LDB2: variants seen among roughly 807,000 people sequenced by gnomAD.
LDB2 encodes the protein LIM domain binding 2.
A neutral mutation model predicts 44.3 loss-of-function variants in LDB2; 12 were observed. That is an observed-to-expected ratio of 0.27 (90% CI 0.17 to 0.44). The LOEUF (loss-of-function observed/expected upper bound fraction) is 0.44. LDB2 is among the 20% of genes least tolerant of loss of function. LDB2 has a pLI of 1.00. For synonymous variants in LDB2, 164 were observed against 174.8 expected, an observed-to-expected ratio of 0.94 and a Z score of 0.49; for missense variants, 344 against 473.5, an observed-to-expected ratio of 0.73 and a Z score of 2.54.
At chr4:16,756,786 C>T (rs947345440) in intron 2 of LDB2, among the ~76,000 whole-genome samples, 36 of 151,810 alleles carry the variant, frequency 2.4e-4, no homozygotes, top group Non-Finnish European at 2.5e-4. Context: ...AATAAGCAGA[C>T]GCCTATTACA....
At chr4:16,876,349 C>T (rs960839758) in intron 1 of LDB2, among the ~76,000 whole-genome samples, 1 of 152,150 alleles carries the variant, frequency 6.6e-6, no homozygotes, top group Non-Finnish European at 1.5e-5. Context: ...ATTTTCCTAC[C>T]TCACTTTCCC....
intron 2 of LDB2, among the ~76,000 whole-genome samples, chr4:16,627,774 C>A (rs993776662): frequency 6.6e-6 from 1 of 152,154 alleles, no homozygotes; most frequent in African/African-American, 2.4e-5. Flanking sequence ...TAAAATAGAA[C>A]ATGAGAGAAG....
intron 2 of LDB2, among the ~76,000 whole-genome samples, chr4:16,600,679 C>T (rs758714549): frequency 2.6e-5 from 4 of 152,030 alleles, no homozygotes; most frequent in East Asian, 3.9e-4. Flanking sequence ...GGGAGATTTT[C>T]GTTGTTGTTC....
intron 2 of LDB2, among the ~76,000 whole-genome samples, chr4:16,621,167 C>T (rs927092396): frequency 2.6e-5 from 4 of 152,134 alleles, no homozygotes; most frequent in Admixed American, 6.5e-5. Flanking sequence ...AGACTCATAA[C>T]GGGGGAGCAT....
At chr4:16,862,534 G>A (rs1369379198) in intron 1 of LDB2, among the ~76,000 whole-genome samples, 1 of 148,784 alleles carries the variant, frequency 6.7e-6, no homozygotes, top group African/African-American at 2.5e-5. Context: ...TTGGGAGGCT[G>A]AGACAGGAGA....
In LDB2 at chr4:16,844,011, G is replaced by T. The variant is rs141576480; in HGVS notation, c.132+54343C>A. On this transcript the variant is annotated intron_variant, in intron 1 of 7. Coordinates refer to ENST00000304523, the MANE Select transcript of LDB2 (RefSeq NM_001290.5). ...CTGACACTGGTAATCCCAACAGTTT[G>T]GGAGCCTAAAATGGGAGGACGGGTT... Among the ~76,000 whole-genome samples the T allele has an allele frequency of 6.6e-5, 10 of 151,382 alleles. 1 individual carries two copies. In the East Asian group the frequency reaches 1.9e-3, roughly 29 times the overall value.
intron 1 of LDB2, among the ~76,000 whole-genome samples, chr4:16,796,913 A>G (rs1459021181): frequency 1.3e-5 from 2 of 152,200 alleles, no homozygotes; most frequent in Non-Finnish European, 2.9e-5. Flanking sequence ...TAAAACATTC[A>G]TGGTTAACAA....
At chr4:16,629,938 T>C (rs1731426717) in intron 2 of LDB2, among the ~76,000 whole-genome samples, 1 of 151,924 alleles carries the variant, frequency 6.6e-6, no homozygotes, top group Non-Finnish European at 1.5e-5. Context: ...TGGGACTATG[T>C]GAAAAGACCA....
At chr4:16,628,699 G>C (rs1731005413) in intron 2 of LDB2, among the ~76,000 whole-genome samples, 1 of 152,072 alleles carries the variant, frequency 6.6e-6, no homozygotes, top group Non-Finnish European at 1.5e-5. Flanking sequence ...GCAGAAGATG[G>C]GTGATTTCTG....
At chr4:16,684,126 T>C (rs2152571271) in intron 2 of LDB2, among the ~76,000 whole-genome samples, 1 of 152,360 alleles carries the variant, frequency 6.6e-6, no homozygotes, top group South Asian at 2.1e-4. Context: ...CAATGCCACG[T>C]CTATCACAGT....
chr4:16,814,140 G>C (rs184349022), intron 1 of LDB2, among the ~76,000 whole-genome samples: 1 of 152,146 alleles, frequency 6.6e-6, no homozygotes, highest in African/African-American at 2.4e-5. Context: ...AAAGTGTTGG[G>C]ATTACAGGCG....
chr4:16,551,587 G>A (rs534700361), intron 5 of LDB2, among the ~76,000 whole-genome samples: 48 of 151,918 alleles, frequency 3.2e-4, no homozygotes, highest in African/African-American at 1.2e-3. Context: ...GCGCGATCTC[G>A]GCTCACTGCA....
chr4:16,524,893 A>G (rs1727648116), intron 5 of LDB2, among the ~76,000 whole-genome samples: 1 of 152,206 alleles, frequency 6.6e-6, no homozygotes, highest in African/African-American at 2.4e-5. Context: ...GGAAATATAC[A>G]GCTTTTATAG....
chr4:16,724,568 G>A (rs1422671817), intron 2 of LDB2, among the ~76,000 whole-genome samples: 5 of 151,966 alleles, frequency 3.3e-5, no homozygotes, highest in Non-Finnish European at 1.5e-5. Context: ...CCCTTAACTG[G>A]GCTATGGTAA....
chr4:16,526,538 CATCT>C (rs1728298986), intron 5 of LDB2, among the ~76,000 whole-genome samples: 1 of 152,232 alleles, frequency 6.6e-6, no homozygotes, highest in Admixed American at 6.5e-5. Flanking sequence ...AATTCTCTCT[CATCT>C]ATCTGTCTAT....
chr4:16,619,041 G>C (rs1000444483), intron 2 of LDB2, among the ~76,000 whole-genome samples: 3 of 152,166 alleles, frequency 2.0e-5, no homozygotes, highest in Admixed American at 6.5e-5. Flanking sequence ...GGCCTCCTCA[G>C]TCATGCTTCC....
At chr4:16,744,680 G>T (rs28690935) in intron 2 of LDB2, among the ~76,000 whole-genome samples, 3,975 of 152,082 alleles carry the variant, frequency 0.026, 166 homozygotes, top group African/African-American at 0.09. Context: ...GTTTCACCGT[G>T]TTAGCCAGGA....
intron 2 of LDB2, among the ~76,000 whole-genome samples, chr4:16,698,278 A>C (rs189356450): frequency 7.2e-5 from 11 of 152,242 alleles, no homozygotes; most frequent in Non-Finnish European, 1.5e-4. Flanking sequence ...TTAGTAAAGA[A>C]TATTCATGGG....
chr4:16,711,592 T>C (rs1175248852), intron 2 of LDB2, among the ~76,000 whole-genome samples: 1 of 152,182 alleles, frequency 6.6e-6, no homozygotes, highest in Non-Finnish European at 1.5e-5. Flanking sequence ...ATGCTGTGCA[T>C]AGAATGAACT....
Sources: gnomAD v4.1 joint callset for allele counts (sites outside exome capture counted in the v4.1 genomes callset) on GRCh38, gnomAD v4.1.1 for gene constraint, MANE v1.5 for transcripts, NCBI Gene and HGNC (gene_info 2026-07-23, HGNC 2026-07-21) for gene names.